Variants in DDX54 observed in about 807,000 individuals in gnomAD.
The protein encoded by DDX54 is DEAD-box helicase 54, also known as ATP-dependent RNA helicase DDX54.
Under a neutral mutation model 105.5 loss-of-function variants are expected in DDX54, and 67 were observed. The ratio of observed to expected loss-of-function variants is 0.64; its 90% CI spans 0.52 to 0.78. The LOEUF (loss-of-function observed/expected upper bound fraction) is 0.78. Among genes scored for constraint, DDX54 ranks in the 30% least tolerant of loss-of-function variants. The pLI, the probability that DDX54 is intolerant of heterozygous loss-of-function variation, is 0.00. For synonymous variants in DDX54, 514 were observed against 509.9 expected (o/e 1.01, Z -0.11); for missense variants, 1,206 against 1,230.5 (o/e 0.98, Z 0.30).
intron 8 of DDX54, 35 bp downstream of exon 8, chr12:113,174,989 GCCCCAGCCTGAC>G: frequency 1.2e-6 from 2 of 1,610,510 alleles, no homozygotes; most frequent in Non-Finnish European, 1.7e-6. Context: ...TGGCCCCCAG[GCCCCAGCCTGAC>G]CCCCAGCCCC....
intron 7 of DDX54, 132 bp from the exon 8 acceptor site, chr12:113,175,289 C>T: frequency 1.6e-6 from 2 of 1,255,780 alleles, no homozygotes; most frequent in Non-Finnish European, 1.1e-6. Flanking sequence ...CCCACTCACA[C>T]TTATCACGTG....
Position 113,185,446 on chromosome 12 carries a change from C to T in DDX54, c.6G>A (p.Ala2=). The stretch of plus-strand genomic sequence containing the variant: ...GTCCAGCCGCCGGGCCCTTGTCGGC[C>T]GCCATTCGGGCCGCGCGCTGGGAAC... M[A]ADKGPAAGPR... Residue 2 remains alanine (A), a synonymous_variant, in exon 1 of 20, where the codon GCG becomes GCA. Coordinates refer to ENST00000306014, the MANE Select transcript of DDX54 (RefSeq NM_024072.4). 1.3e-6 allele frequency: 2 copies of T among 1,505,750 alleles called. No homozygotes were observed. Among genetic ancestry groups the T allele is most frequent in the Non-Finnish European group, 1.8e-6 (2 of 1,130,882 alleles). 93.3% of individuals were successfully genotyped at this position (1,505,750 alleles called of 1,614,324 possible).
rs1174516894 is a variant in DDX54, at chr12:113,158,768, G to A, written c.*109C>T. Reference sequence around the variant, plus strand: ...TTTCACAGATGATGGCTCCTGCAGGGAGTGCCCCCAGTGCCCAGCACAGGG... The same window carrying A: ...TTTCACAGATGATGGCTCCTGCAGGAAGTGCCCCCAGTGCCCAGCACAGGG... On this transcript the variant is annotated 3_prime_UTR_variant, in exon 20 of 20. Transcript: ENST00000306014. This position sits in a 1 kb window ranked among gnomAD's most constrained non-coding sequence, Gnocchi z 4.9. 1 of 1,218,474 alleles carries A rather than the reference G, an allele frequency of 8.2e-7. No homozygotes were observed. The highest frequency in any genetic ancestry group is 1.1e-6 in the Non-Finnish European group (1 of 886,456). 75.5% of individuals were successfully genotyped at this position (1,218,474 alleles called of 1,614,324 possible).
At chr12:113,161,564 C>T in intron 18 of DDX54, 182 bp from the exon 19 acceptor site, 1 of 593,898 alleles carries the variant, frequency 1.7e-6, no homozygotes, top group African/African-American at 1.9e-5. Context: ...GGCCCCGCCC[C>T]CAGCACCAGG....
At chr12:113,166,173 A>T (rs921052905) in intron 12 of DDX54, 141 bp from the exon 13 acceptor site, 2 of 832,408 alleles carry the variant, frequency 2.4e-6, no homozygotes, top group African/African-American at 3.4e-5. Context: ...GAACACCAGC[A>T]CTCAGGGAGG....
Position 113,165,624 on chromosome 12 carries a change from C to T in DDX54, c.1719+20G>A, listed in dbSNP as rs1952262081. 4 of 1,587,164 alleles carry T rather than the reference C, an allele frequency of 2.5e-6. No homozygotes were observed. In the African/African-American group the frequency reaches 5.4e-5, roughly 21 times the overall value. On this transcript the variant is annotated intron_variant, in intron 14 of 19. Coordinates refer to ENST00000306014, the MANE Select transcript of DDX54 (RefSeq NM_024072.4). ...ACAGAGCCAGGACTCAGAGCGTGGT[C>T]TCCACCCGGCCCCACTCACCGCCCG...
Position 113,174,913 on chromosome 12 carries a change from G to A in DDX54, c.898C>T (p.Arg300Trp), listed in dbSNP as rs754462120. The A allele has an allele frequency of 5.0e-6, 8 of 1,613,558 alleles. No individual in the cohort carries two copies. The highest frequency in any genetic ancestry group is 1.3e-5 in the African/African-American group (1 of 75,058). The change falls in exon 9 of 20, where the codon CGG becomes TGG. Residue 300 changes from arginine to tryptophan, a missense_variant. Around this residue, in one of 3 missense-constraint regions of DDX54, gnomAD observed 961 missense variants for 1,019.1 expected, o/e 0.94. Transcript: ENST00000306014. ...TTGAGCTTGGTATCCACGTCAAGCC[G>A]GATGAGCACGGGCTCCGTGAGGCCT... is the stretch of plus-strand genomic sequence containing the variant. The part of the protein sequence containing the change: ...RAGLTEPVLI[R>W]LDVDTKLNEQ...
intron 19 of DDX54, among the ~76,000 whole-genome samples, chr12:113,159,541 C>T (rs778554008): frequency 6.6e-6 from 1 of 152,082 alleles, no homozygotes; most frequent in Non-Finnish European, 1.5e-5. Flanking sequence ...TGTATGTCTC[C>T]ACAGCACACC....
chr12:113,163,208 G>T lies in DDX54; in HGVS notation c.2005C>A (p.Arg669=). The T allele has an allele frequency of 1.2e-6, 2 of 1,612,030 alleles. No homozygotes were observed. Residue 669 remains arginine, a synonymous_variant, in exon 16 of 20, where the codon CGG becomes AGG. Coordinates refer to ENST00000306014, the MANE Select transcript of DDX54 (RefSeq NM_024072.4). The surrounding 1 kb of genome is among the most constrained non-coding windows in gnomAD (Gnocchi z 5.9). ...TCCCGCTGCCGGGCCTCCTCCCTCC[G>T]CCTCTTGGCTCCCCTGTTGGGTCCT... ...RSGPNRGAKR[R]REEARQRDQE... is the part of the protein sequence containing the mutation.
Position 113,174,945 on chromosome 12 carries a change from G to T in DDX54, c.875-9C>A. ...CACGGGCTCCGTGAGGCCTGCAGGAGACATGGGGGAAAGTGGGGGAGTCGC... is the reference window on the plus strand; with the variant it reads ...CACGGGCTCCGTGAGGCCTGCAGGATACATGGGGGAAAGTGGGGGAGTCGC... On this transcript the variant is annotated splice_polypyrimidine_tract_variant and intron_variant, in intron 8 of 19. Transcript: ENST00000306014. 6.2e-7 allele frequency: 1 copy of T among 1,612,974 alleles called. No individual in the cohort carries two copies. The highest frequency in any genetic ancestry group is 8.5e-7 in the Non-Finnish European group (1 of 1,179,554).
chr12:113,175,682 G>C (rs995869825), intron 7 of DDX54, among the ~76,000 whole-genome samples: 3 of 151,924 alleles, frequency 2.0e-5, no homozygotes, highest in African/African-American at 7.3e-5. Context: ...CCAGCTACTC[G>C]AGAGGCTGAG....
chr12:113,162,199 G>A (rs1952216338), intron 17 of DDX54, among the ~76,000 whole-genome samples: 2 of 152,136 alleles, frequency 1.3e-5, no homozygotes, highest in African/African-American at 4.8e-5. Flanking sequence ...TGCAGTCCAG[G>A]TCTCAAAAGG....
At chr12:113,167,882 G>C in intron 12 of DDX54, 1 of 474,448 alleles carries the variant, frequency 2.1e-6, no homozygotes, top group Non-Finnish European at 4.1e-6. Flanking sequence ...CTGGGCGCAG[G>C]GTCCATTTCC....
intron 12 of DDX54, among the ~76,000 whole-genome samples, chr12:113,168,422 C>T (rs942834518): frequency 4.6e-5 from 7 of 152,196 alleles, no homozygotes; most frequent in East Asian, 1.9e-4. Flanking sequence ...TGTGTGCATG[C>T]GGGTAGGCCT....
chr12:113,180,156 C>T, intron 2 of DDX54, 151 bp from the exon 3 acceptor site: 1 of 761,036 alleles, frequency 1.3e-6, no homozygotes, highest in East Asian at 2.6e-5. Context: ...TGAAATGAGA[C>T]TTAGGAGACA....
intron 1 of DDX54, among the ~76,000 whole-genome samples, chr12:113,182,109 A>G (rs1952474933): frequency 6.6e-6 from 1 of 152,158 alleles, no homozygotes; most frequent in Non-Finnish European, 1.5e-5. Context: ...AACCCACTTA[A>G]TCCTCACAAC....
Position 113,158,913 on chromosome 12 carries a change from G to T in DDX54, c.2610C>A (p.Ala870=), listed in dbSNP as rs760646463. The part of the protein sequence containing the change: ...ELQQGAFGRG[A]RSKKGKMRKR... ...TCCGCATCTTGCCCTTCTTGGAGCG[G>T]GCACCCCGGCCGAAGGCGCCCTGCT... The change falls in exon 20 of 20, where the codon GCC becomes GCA. Residue 870 remains alanine (A), a synonymous_variant. Transcript: ENST00000306014. This position sits in a 1 kb window ranked among gnomAD's most constrained non-coding sequence, Gnocchi z 4.9. 2 of 1,608,040 alleles carry T rather than the reference G, an allele frequency of 1.2e-6. No individual in the cohort carries two copies. The highest frequency in any genetic ancestry group is 1.7e-5 in the Admixed American group (1 of 59,760).
chr12:113,179,444 G>A, intron 3 of DDX54, 113 bp from the exon 4 acceptor site: 2 of 1,209,494 alleles, frequency 1.7e-6, no homozygotes, highest in Non-Finnish European at 1.2e-6. Flanking sequence ...GAATGGGCAG[G>A]CACCCGTCAC....
chr12:113,180,076 G>A, intron 2 of DDX54, 71 bp from the exon 3 acceptor site: 1 of 1,381,122 alleles, frequency 7.2e-7, no homozygotes, highest in Non-Finnish European at 1.0e-6. Context: ...AACTTTACAG[G>A]ACAAATGACA....
Sources: gnomAD v4.1 joint callset for allele counts (sites outside exome capture counted in the v4.1 genomes callset) on GRCh38, gnomAD v4.1.1 for gene constraint, gnomAD v4.1.1 regional missense constraint, Gnocchi (gnomAD v3.1) non-coding constraint, MANE v1.5 for transcripts, NCBI Gene and HGNC (gene_info 2026-07-23, HGNC 2026-07-21) for gene names.